AP4S1: variants seen among roughly 807,000 people sequenced by gnomAD.
AP4S1 encodes adaptor related protein complex 4 subunit sigma 1.
AP4S1 carries 23 observed loss-of-function variants against 19.8 expected under a neutral mutation model. The observed-to-expected ratio is 1.16, with a 90% confidence interval of 0.84 to 1.65. The LOEUF (loss-of-function observed/expected upper bound fraction) is 1.65. Among genes scored for constraint, AP4S1 ranks in the 40% most tolerant of loss-of-function variants. The pLI is 0.00. For missense variants in AP4S1, 166 were observed against 172.8 expected (o/e 0.96, Z 0.22); for synonymous variants, 46 against 54.1 (o/e 0.85, Z 0.66).
At chr14:31,077,078 C>T (rs981114186) in intron 4 of AP4S1, among the ~76,000 whole-genome samples, 5 of 151,938 alleles carry the variant, frequency 3.3e-5, no homozygotes, top group African/African-American at 7.3e-5. Flanking sequence ...TACAGGCATG[C>T]GCCACCACGC....
At chr14:31,044,856 G>C (rs758035818) in intron 1 of AP4S1, among the ~76,000 whole-genome samples, 1 of 151,910 alleles carries the variant, frequency 6.6e-6, no homozygotes, top group Non-Finnish European at 1.5e-5. Context: ...GTCAGGTTTG[G>C]GGGCAGACAT....
chr14:31,047,933 TC>T (rs908544663), intron 1 of AP4S1, among the ~76,000 whole-genome samples: 1 of 152,166 alleles, frequency 6.6e-6, no homozygotes, highest in Non-Finnish European at 1.5e-5. Context: ...CACCTCGGCC[TC>T]CCAAAATGCT....
At chr14:31,084,996 T>C in intron 5 of AP4S1, 1 of 1,544,192 alleles carries the variant, frequency 6.5e-7, no homozygotes, top group Admixed American at 2.0e-5. Context: ...CCACGGCCTT[T>C]TCAGTATTTG....
At position 31,093,241 on chromosome 14, in the gene AP4S1, TTAAAC is replaced by T. The variant is rs1208124840; in HGVS notation, c.*208_*212del. The stretch of plus-strand genomic sequence containing the variant: ...AATATGTACAAAGAAAAAAATTTCT[TTAAAC>T]TGAGAGAGAAGTTTTATTTTCTAAT... On this transcript the variant is annotated 3_prime_UTR_variant, in exon 6 of 6. Transcript: ENST00000542754. 2.3e-6 allele frequency: 1 copy of T among 428,028 alleles called. No homozygotes were observed. The highest frequency in any genetic ancestry group is 4.9e-5 in the East Asian group (1 of 20,394). 26.5% of individuals were successfully genotyped at this position (428,028 alleles called of 1,614,324 possible).
intron 5 of AP4S1, chr14:31,085,712 G>A (rs1354956570): frequency 2.8e-5 from 20 of 722,406 alleles, no homozygotes; most frequent in Non-Finnish European, 3.4e-5. Context: ...GACTGAGGCT[G>A]CAGTGAGCCA....
In AP4S1 at chr14:31,066,396, A is replaced by T. The variant is rs938515173; in HGVS notation, c.138+62A>T. ...ACTCAGCCTTGGCAGATTTGTTATT[A>T]GTGAGTCTCAGGGGCCATCATTTTC... On this transcript the variant is annotated intron_variant, in intron 2 of 5. Coordinates refer to ENST00000542754, the MANE Select transcript of AP4S1 (RefSeq NM_001128126.3). 80 of 1,595,672 alleles carry T rather than the reference A, an allele frequency of 5.0e-5. 1 individual carries two copies. The highest frequency in any genetic ancestry group is 3.2e-4 in the South Asian group (29 of 90,484).
chr14:31,036,897 C>T (rs1442567625), intron 1 of AP4S1, among the ~76,000 whole-genome samples: 1 of 152,098 alleles, frequency 6.6e-6, no homozygotes, highest in East Asian at 1.9e-4. Flanking sequence ...CCTGTAACCT[C>T]CACCTCCCAG....
intron 1 of AP4S1, among the ~76,000 whole-genome samples, chr14:31,062,143 G>T (rs930369732): frequency 6.6e-6 from 1 of 151,898 alleles, no homozygotes; most frequent in Non-Finnish European, 1.5e-5. Flanking sequence ...TTGTCACCCA[G>T]GCTGGAGTAC....
At chr14:31,073,844 C>T (rs1454101427) in intron 4 of AP4S1, among the ~76,000 whole-genome samples, 2 of 151,544 alleles carry the variant, frequency 1.3e-5, no homozygotes, top group Admixed American at 1.3e-4. Flanking sequence ...GTGCCTGGCC[C>T]CCTCTGCCTT....
intron 3 of AP4S1, among the ~76,000 whole-genome samples, chr14:31,072,170 A>C (rs956216669): frequency 6.6e-6 from 1 of 151,506 alleles, no homozygotes; most frequent in Non-Finnish European, 1.5e-5. Flanking sequence ...CAAGCTCCTG[A>C]CCTCAAGTGA....
chr14:31,033,339 G>A (rs1339847212), intron 1 of AP4S1, among the ~76,000 whole-genome samples: 2 of 151,764 alleles, frequency 1.3e-5, no homozygotes, highest in Non-Finnish European at 2.9e-5. Context: ...TCAACTTCCT[G>A]AGTAGTTGGG....
intron 1 of AP4S1, among the ~76,000 whole-genome samples, chr14:31,042,681 T>C (rs1419774234): frequency 6.6e-6 from 1 of 152,244 alleles, no homozygotes; most frequent in Non-Finnish European, 1.5e-5. Context: ...TAAAATTCTT[T>C]AGTTCAACTC....
chr14:31,041,767 AG>A (rs1885123271), intron 1 of AP4S1, among the ~76,000 whole-genome samples: 1 of 152,220 alleles, frequency 6.6e-6, no homozygotes, highest in African/African-American at 2.4e-5. Context: ...TTCCCCTTGC[AG>A]GGCTTTTTCT....
chr14:31,093,397 T>G lies in AP4S1; in HGVS notation c.*362T>G, dbSNP rs1447247328. 3 of 159,178 alleles carry G rather than the reference T, an allele frequency of 1.9e-5. No individual in the cohort carries two copies. The highest frequency in any genetic ancestry group is 2.4e-5 in the African/African-American group (1 of 41,574). 9.9% of individuals were successfully genotyped at this position (159,178 alleles called of 1,614,324 possible). On this transcript the variant is annotated 3_prime_UTR_variant, in exon 6 of 6. Transcript: ENST00000542754. The stretch of plus-strand genomic sequence containing the variant: ...TAGTGGGAAGAAAGTATGGCAGTTT[T>G]CCGTCAGCCAATAAAGTTTTAAAAT...
intron 1 of AP4S1, among the ~76,000 whole-genome samples, chr14:31,051,009 C>T (rs1407247459): frequency 2.6e-5 from 4 of 151,992 alleles, no homozygotes; most frequent in Non-Finnish European, 4.4e-5. Context: ...TATTCCAGCA[C>T]TTCAGGAGGC....
intron 5 of AP4S1, chr14:31,085,355 C>T (rs750707527): frequency 1.8e-4 from 182 of 992,336 alleles, no homozygotes; most frequent in Non-Finnish European, 2.0e-4. Context: ...GTCCCACCTA[C>T]GTGCCTGGGG....
At chr14:31,077,435 G>A (rs75270249) in intron 4 of AP4S1, among the ~76,000 whole-genome samples, 3,863 of 152,260 alleles carry the variant, frequency 0.025, 86 homozygotes, top group Admixed American at 0.052. Context: ...CCAGAAGTGA[G>A]GTTTGGCAAA....
At chr14:31,064,342 G>A (rs765778871) in intron 1 of AP4S1, among the ~76,000 whole-genome samples, 2 of 151,820 alleles carry the variant, frequency 1.3e-5, no homozygotes, top group South Asian at 2.1e-4. Flanking sequence ...TCCACCTCCC[G>A]GGCTCAAGAG....
rs569840177 is a variant in AP4S1, at chr14:31,056,461, C to G, written c.-71-9665C>G. Reference sequence around the variant, plus strand: ...GCAACCTCCGCCTCCTGGGTTCGGGCGATTCTCCTGCCTCAGCCTCCTAAG... The same window carrying G: ...GCAACCTCCGCCTCCTGGGTTCGGGGGATTCTCCTGCCTCAGCCTCCTAAG... On this transcript the variant is annotated intron_variant, in intron 1 of 5. Transcript: ENST00000542754. Among the ~76,000 whole-genome samples, 19 of 152,066 alleles carry G rather than the reference C, an allele frequency of 1.2e-4. No individual in the cohort carries two copies. The South Asian group carries it at 3.7e-3, about 30-fold the overall frequency.
Sources: allele counts gnomAD v4.1 joint callset (sites outside exome capture counted in the v4.1 genomes callset), GRCh38; gene constraint gnomAD v4.1.1; transcripts MANE v1.5; gene names NCBI Gene and HGNC (gene_info 2026-07-23, HGNC 2026-07-21).